Variants in SLC4A8 observed in about 807,000 individuals in gnomAD.
The protein encoded by SLC4A8 is electroneutral sodium bicarbonate exchanger 1.
SLC4A8 carries 40 observed loss-of-function variants against 125.0 expected under a neutral mutation model. That is an observed-to-expected ratio of 0.32 (90% confidence interval 0.25 to 0.42). The LOEUF (loss-of-function observed/expected upper bound fraction) is 0.42. Among genes scored for constraint, SLC4A8 ranks in the 10% least tolerant of loss-of-function variants. SLC4A8 has a pLI of 1.00. For missense variants in SLC4A8, 863 were observed against 1,355.1 expected (o/e 0.64, Z 5.70); for synonymous variants, 456 against 476.0 (o/e 0.96, Z 0.55).
intron 1 of SLC4A8, among the ~76,000 whole-genome samples, chr12:51,403,835 C>T (rs918365000): frequency 1.3e-5 from 2 of 152,262 alleles, no homozygotes; most frequent in Admixed American, 1.3e-4. Context: ...GTACTTTTGC[C>T]GTAGGCAGGG....
In SLC4A8 at chr12:51,515,591, C is replaced by T. The variant is rs558549826; in HGVS notation, c.*8153C>T. On this transcript the variant is annotated 3_prime_UTR_variant, in exon 25 of 25. Transcript: ENST00000453097. ...GGAATAAATGTGTCATTGTGATAAT[C>T]CCATAGCAATTTATGGTAAGAACAA... 6.6e-6 allele frequency: 1 copy of T among 152,108 alleles called. No homozygotes were observed. The highest frequency in any genetic ancestry group is 1.5e-5 in the Non-Finnish European group (1 of 68,018). The allele number at this position is 152,108 out of a possible 1,614,324, so 9.4% of individuals were successfully genotyped here. A position where few individuals can be genotyped will look rare whatever the true frequency, so the allele number is the denominator to read the frequency against.
rs745614861 is a variant in SLC4A8, at chr12:51,495,010, G to T, written c.2835G>T (p.Arg945=). 34 of 1,614,208 alleles carry T rather than the reference G, an allele frequency of 2.1e-5. No homozygotes were observed. In the Middle Eastern group the frequency reaches 4.9e-4, roughly 23 times the overall value. ...AKHQPDFIYL[R]HVPLRKVHLF... ...ACCAGCCAGATTTCATCTACCTGCG[G>T]CATGTGCCGCTGCGCAAAGTGCACC... Residue 945 remains arginine (R), a synonymous_variant, in exon 21 of 25, where the codon CGG becomes CGT. Coordinates refer to ENST00000453097, the MANE Select transcript of SLC4A8 (RefSeq NM_001039960.3).
chr12:51,403,032 C>T (rs1948422260), intron 1 of SLC4A8: 3 of 360,444 alleles, frequency 8.3e-6, no homozygotes, highest in Non-Finnish European at 5.6e-6. Context: ...GTTCTGTAGT[C>T]ATGGGTAAGT....
chr12:51,461,779 A>G (rs373721771), intron 9 of SLC4A8: 10 of 188,682 alleles, frequency 5.3e-5, no homozygotes, highest in African/African-American at 2.2e-4. Context: ...CCCACAGTGC[A>G]TACTCTGGTA....
At chr12:51,435,847 C>T (rs566943490) in intron 1 of SLC4A8, among the ~76,000 whole-genome samples, 1 of 152,156 alleles carries the variant, frequency 6.6e-6, no homozygotes, top group South Asian at 2.1e-4. Flanking sequence ...TTAGACTTAC[C>T]TTGTACATTT....
In SLC4A8 at chr12:51,512,736, T is replaced by G. The variant is rs550192068; in HGVS notation, c.*5298T>G. 4 of 152,254 alleles carry G rather than the reference T, an allele frequency of 2.6e-5. No homozygotes were observed. The South Asian group carries it at 8.3e-4, about 32-fold the overall frequency. 9.4% of individuals were successfully genotyped at this position (152,254 alleles called of 1,614,324 possible). ...AAGATTTCATTGTTACTACTAGTCT[T>G]TGTGTACCTATCTGGAGGGACATTA... is the stretch of plus-strand genomic sequence containing the variant. On this transcript the variant is annotated 3_prime_UTR_variant, in exon 25 of 25. Coordinates refer to ENST00000453097, the MANE Select transcript of SLC4A8 (RefSeq NM_001039960.3).
chr12:51,508,978 G>T lies in SLC4A8; in HGVS notation c.*1540G>T, dbSNP rs754277702. 2 of 152,570 alleles carry T rather than the reference G, an allele frequency of 1.3e-5. No individual in the cohort carries two copies. Among genetic ancestry groups the T allele is most frequent in the Non-Finnish European group, 2.9e-5 (2 of 68,032 alleles). The allele number at this position is 152,570 out of a possible 1,614,324, so 9.5% of individuals were successfully genotyped here. ...TACTCTAAAGACCTTTGATGTTAAA[G>T]GAATCCTTCATTTATTTCATATTCC... On this transcript the variant is annotated 3_prime_UTR_variant, in exon 25 of 25. Coordinates refer to ENST00000453097, the MANE Select transcript of SLC4A8 (RefSeq NM_001039960.3).
intron 16 of SLC4A8, among the ~76,000 whole-genome samples, chr12:51,479,524 T>C (rs912840384): frequency 1.3e-5 from 2 of 151,576 alleles, no homozygotes; most frequent in African/African-American, 4.9e-5. Context: ...CCATCTCTAC[T>C]AAAAATACAA....
rs115615676 is a variant in SLC4A8 at position 51,427,831 on chromosome 12, C to T, written c.48+2796C>T. Among the ~76,000 whole-genome samples, 473 of 152,300 alleles carry T rather than the reference C, an allele frequency of 3.1e-3. 4 individuals are homozygous for T. Among genetic ancestry groups the T allele is most frequent in the African/African-American group, 0.011 (442 of 41,550 alleles). On this transcript the variant is annotated intron_variant, in intron 1 of 24. Transcript: ENST00000453097. ...AGTTCCCTCTGCTTTCTTTCTTGCCCTTCTGTAAGACTACTCTCCACATGG... is the reference window on the plus strand; with the variant it reads ...AGTTCCCTCTGCTTTCTTTCTTGCCTTTCTGTAAGACTACTCTCCACATGG...
At chr12:51,477,137 C>T (rs1404812910) in intron 16 of SLC4A8, among the ~76,000 whole-genome samples, 2 of 152,094 alleles carry the variant, frequency 1.3e-5, no homozygotes, top group African/African-American at 2.4e-5. Flanking sequence ...CTCCCAACCT[C>T]AGGTGATCCG....
At chr12:51,489,628 C>T in intron 18 of SLC4A8, 72 bp from the exon 19 acceptor site, 8 of 1,581,818 alleles carry the variant, frequency 5.1e-6, no homozygotes, top group Non-Finnish European at 6.0e-6. Context: ...GGGCCTGAGA[C>T]CCGTAGCTCA....
intron 2 of SLC4A8, among the ~76,000 whole-genome samples, chr12:51,442,701 C>T (rs932623289): frequency 6.6e-6 from 1 of 152,038 alleles, no homozygotes; most frequent in East Asian, 1.9e-4. Flanking sequence ...AAGCATTACA[C>T]GCAAATGGTG....
intron 16 of SLC4A8, chr12:51,480,607 A>G (rs1951001433): frequency 1.0e-6 from 1 of 985,466 alleles, no homozygotes; most frequent in South Asian, 4.7e-5. Context: ...TTTGGAAAAC[A>G]TAATGTGTCA....
chr12:51,485,147 G>T (rs1229957125), intron 16 of SLC4A8, among the ~76,000 whole-genome samples: 1 of 152,170 alleles, frequency 6.6e-6, no homozygotes, highest in Admixed American at 6.5e-5. Context: ...GGCCAAGAAG[G>T]CCTTTTGACC....
At chr12:51,491,295 T>A (rs1043208673) in intron 19 of SLC4A8, among the ~76,000 whole-genome samples, 1 of 152,050 alleles carries the variant, frequency 6.6e-6, no homozygotes, top group East Asian at 1.9e-4. Flanking sequence ...AGGGAATAGA[T>A]GAGAGAACTC....
intron 17 of SLC4A8, among the ~76,000 whole-genome samples, chr12:51,487,580 A>G (rs1482196424): frequency 6.6e-6 from 1 of 152,152 alleles, no homozygotes; most frequent in African/African-American, 2.4e-5. Flanking sequence ...CTCTAGCACC[A>G]CTTGCCAAAA....
intron 8 of SLC4A8, among the ~76,000 whole-genome samples, chr12:51,460,598 C>G (rs1246284387): frequency 6.6e-6 from 1 of 152,210 alleles, no homozygotes; most frequent in Non-Finnish European, 1.5e-5. Context: ...CTTCTCAGTT[C>G]TGTAGAGCCA....
At chr12:51,478,823 C>A (rs1308069377) in intron 16 of SLC4A8, among the ~76,000 whole-genome samples, 1 of 152,194 alleles carries the variant, frequency 6.6e-6, no homozygotes, top group African/African-American at 2.4e-5. Context: ...GTGACTGGGG[C>A]CCCTGTCTCA....
At chr12:51,466,779 T>C (rs1261437955) in intron 11 of SLC4A8, among the ~76,000 whole-genome samples, 2 of 152,194 alleles carry the variant, frequency 1.3e-5, no homozygotes, top group Non-Finnish European at 2.9e-5. Context: ...CCTCAGATCT[T>C]TCCCCGCCTT....
Sources: gnomAD v4.1 joint callset for allele counts (sites outside exome capture counted in the v4.1 genomes callset) on GRCh38, gnomAD v4.1.1 for gene constraint, MANE v1.5 for transcripts, NCBI Gene and HGNC (gene_info 2026-07-23, HGNC 2026-07-21) for gene names.